The following NXPH1 variants were observed in gnomAD, a reference collection of about 807,000 sequenced individuals.
NXPH1 encodes neurexophilin-1.
NXPH1 carries 5 observed loss-of-function variants against 23.7 expected under a neutral mutation model. The observed-to-expected ratio is 0.21, with a 90% confidence interval of 0.11 to 0.44. NXPH1 has a LOEUF of 0.44. NXPH1 is among the 20% of genes least tolerant of loss of function. NXPH1 has a pLI of 0.99. For missense variants in NXPH1, 324 were observed against 321.6 expected (o/e 1.01, Z -0.06); for synonymous variants, 144 against 122.2 (o/e 1.18, Z -1.18).
intron 2 of NXPH1, among the ~76,000 whole-genome samples, chr7:8,652,079 T>C (rs1442161301): frequency 1.3e-5 from 2 of 152,130 alleles, no homozygotes; most frequent in Admixed American, 6.6e-5. Context: ...CTTTCACCAA[T>C]TTACGAAGGA....
chr7:8,666,690 T>C (rs1471896515), intron 2 of NXPH1, among the ~76,000 whole-genome samples: 1 of 152,072 alleles, frequency 6.6e-6, no homozygotes, highest in Non-Finnish European at 1.5e-5. Flanking sequence ...TTTTTATTGC[T>C]TATGTAATTT....
Position 8,442,952 on chromosome 7 carries a change from G to T in NXPH1, c.54+7185G>T, listed in dbSNP as rs1436280933. Among the ~76,000 whole-genome samples, 3 of 152,240 alleles carry T rather than the reference G, an allele frequency of 2.0e-5. No homozygotes were observed. The highest frequency in any genetic ancestry group is 1.9e-4 in the East Asian group (1 of 5,200). Reference sequence around the variant, plus strand: ...TCGCGGGCAGGCGGGCGTGGGGCACGCCAGGGCCGGGAGAGCGACTCTTCA... The same window carrying T: ...TCGCGGGCAGGCGGGCGTGGGGCACTCCAGGGCCGGGAGAGCGACTCTTCA... On this transcript the variant is annotated intron_variant, in intron 2 of 2. Transcript: ENST00000405863. The surrounding 1 kb of genome is among the most constrained non-coding windows in gnomAD (Gnocchi z 4.6).
intron 2 of NXPH1, among the ~76,000 whole-genome samples, chr7:8,515,763 G>C (rs1563333074): frequency 6.6e-6 from 1 of 152,142 alleles, no homozygotes; most frequent in Non-Finnish European, 1.5e-5. Flanking sequence ...TGGTAGGCCT[G>C]AGCGTTTTAA....
chr7:8,543,034 C>T (rs1818143664), intron 2 of NXPH1, among the ~76,000 whole-genome samples: 1 of 151,610 alleles, frequency 6.6e-6, no homozygotes, highest in Non-Finnish European at 1.5e-5. Context: ...ATTGAATTTA[C>T]ATGCATTTGA....
At chr7:8,536,641 G>C (rs1368416609) in intron 2 of NXPH1, among the ~76,000 whole-genome samples, 3 of 151,884 alleles carry the variant, frequency 2.0e-5, no homozygotes, top group Non-Finnish European at 4.4e-5. Context: ...TGGTTCACTT[G>C]CTCTTAGAGA....
chr7:8,547,888 G>C (rs1349868422), intron 2 of NXPH1, among the ~76,000 whole-genome samples: 1 of 151,494 alleles, frequency 6.6e-6, no homozygotes, highest in Non-Finnish European at 1.5e-5. Context: ...CCAGTAAACT[G>C]TTGATGAAAA....
At chr7:8,484,577 G>A (rs886653) in intron 2 of NXPH1, among the ~76,000 whole-genome samples, 85,886 of 152,054 alleles carry the variant, frequency 0.56, 27,278 homozygotes, top group African/African-American at 0.86. Context: ...TAAACTGTAT[G>A]CAACATAACC....
chr7:8,665,636 C>A, intron 2 of NXPH1, among the ~76,000 whole-genome samples: 1 of 151,906 alleles, frequency 6.6e-6, no homozygotes, highest in Admixed American at 6.6e-5. Flanking sequence ...AATATTATTT[C>A]TTCACATTCA....
intron 2 of NXPH1, among the ~76,000 whole-genome samples, chr7:8,614,721 T>G (rs1819698066): frequency 6.6e-6 from 1 of 151,998 alleles, no homozygotes; most frequent in South Asian, 2.1e-4. Flanking sequence ...ATAAATATTT[T>G]AGAAACTCTA....
intron 2 of NXPH1, among the ~76,000 whole-genome samples, chr7:8,506,616 C>T (rs1227942819): frequency 6.6e-6 from 1 of 151,904 alleles, no homozygotes; most frequent in Non-Finnish European, 1.5e-5. Context: ...GAAAATACAG[C>T]AAATAAATTT....
At chr7:8,685,055 C>T (rs1274184271) in intron 2 of NXPH1, among the ~76,000 whole-genome samples, 2 of 151,984 alleles carry the variant, frequency 1.3e-5, no homozygotes, top group African/African-American at 4.8e-5. Context: ...CTTTTCTTGT[C>T]CCTTCCCTCT....
At chr7:8,736,490 G>A (rs971974967) in intron 2 of NXPH1, among the ~76,000 whole-genome samples, 5 of 152,328 alleles carry the variant, frequency 3.3e-5, no homozygotes, top group African/African-American at 1.2e-4. Flanking sequence ...TGTGGCCTGA[G>A]AGACTGTTTG....
At chr7:8,521,668 A>G (rs758541114) in intron 2 of NXPH1, among the ~76,000 whole-genome samples, 17 of 152,208 alleles carry the variant, frequency 1.1e-4, no homozygotes, top group Non-Finnish European at 2.9e-5. Context: ...CAATTGAGAT[A>G]TAGGAGTTTT....
chr7:8,504,075 A>T (rs77766092), intron 2 of NXPH1, among the ~76,000 whole-genome samples: 4,086 of 152,070 alleles, frequency 0.027, 95 homozygotes, highest in Non-Finnish European at 0.044. Flanking sequence ...CATTTCAGGG[A>T]TGCATTATGC....
intron 2 of NXPH1, among the ~76,000 whole-genome samples, chr7:8,581,039 A>G (rs951892246): frequency 6.6e-6 from 1 of 152,172 alleles, no homozygotes; most frequent in Admixed American, 6.5e-5. Flanking sequence ...TCAAGGACCA[A>G]ATGGGAGTAC....
At chr7:8,455,172 C>T (rs865995719) in intron 2 of NXPH1, among the ~76,000 whole-genome samples, 2 of 152,056 alleles carry the variant, frequency 1.3e-5, no homozygotes, top group South Asian at 4.2e-4. Flanking sequence ...TTATTCCACC[C>T]ACTATATTGT....
chr7:8,503,394 A>G (rs1281445718), intron 2 of NXPH1, among the ~76,000 whole-genome samples: 2 of 151,816 alleles, frequency 1.3e-5, no homozygotes, highest in Non-Finnish European at 2.9e-5. Context: ...CTCCTTCCTC[A>G]CCGGTGATGC....
At position 8,517,473 on chromosome 7, in the gene NXPH1, G is replaced by A. The variant is rs558241673; in HGVS notation, c.54+81706G>A. Among the ~76,000 whole-genome samples, 17 of 152,230 alleles carry A rather than the reference G, an allele frequency of 1.1e-4. No individual in the cohort carries two copies. In the South Asian group the frequency reaches 3.1e-3, roughly 28 times the overall value. On this transcript the variant is annotated intron_variant, in intron 2 of 2. Coordinates refer to ENST00000405863, the MANE Select transcript of NXPH1 (RefSeq NM_152745.3). Reference sequence around the variant, plus strand: ...CTGTCAGATGTAAATTTTGTTTCTGGGGGAGCCCATCTCCTAGGTAGGGGA... The same window carrying A: ...CTGTCAGATGTAAATTTTGTTTCTGAGGGAGCCCATCTCCTAGGTAGGGGA...
intron 2 of NXPH1, among the ~76,000 whole-genome samples, chr7:8,441,899 A>G: frequency 1.7e-5 from 1 of 59,222 alleles, no homozygotes. Flanking sequence ...AGTATATTTT[A>G]TTGATTGCGG....
Sources: gnomAD v4.1 joint callset for allele counts (sites outside exome capture counted in the v4.1 genomes callset) on GRCh38, gnomAD v4.1.1 for gene constraint, Gnocchi (gnomAD v3.1) non-coding constraint, MANE v1.5 for transcripts, NCBI Gene and HGNC (gene_info 2026-07-23, HGNC 2026-07-21) for gene names.